GPBP1: variants seen among roughly 807,000 people sequenced by gnomAD.
GPBP1 encodes GC-rich promoter binding protein 1, also known as vasculin.
In GPBP1, 13 loss-of-function variants were observed where a neutral mutation model predicts 56.5. The ratio of observed to expected loss-of-function variants is 0.23; its 90% CI spans 0.15 to 0.37. The LOEUF is 0.37. Ranked by LOEUF, GPBP1 falls within the 10% of genes least tolerant of loss-of-function variation. The pLI is 1.00. For synonymous variants in GPBP1, 204 were observed against 188.9 expected, an observed-to-expected ratio of 1.08 and a Z score of -0.66; for missense variants, 477 against 572.3, an observed-to-expected ratio of 0.83 and a Z score of 1.70.
intron 6 of GPBP1, among the ~76,000 whole-genome samples, chr5:57,243,253 G>C (rs1387116154): frequency 6.6e-6 from 1 of 151,946 alleles, no homozygotes; most frequent in Non-Finnish European, 1.5e-5. Context: ...TTTTAGTAGA[G>C]ATGGGGTTTC....
chr5:57,247,642 GC>G (rs1340994498), intron 8 of GPBP1, among the ~76,000 whole-genome samples: 1 of 152,106 alleles, frequency 6.6e-6, no homozygotes, highest in Non-Finnish European at 1.5e-5. Context: ...CTGTGATTGT[GC>G]CACTGTACTC....
At chr5:57,198,589 C>G (rs572267648) in intron 2 of GPBP1, among the ~76,000 whole-genome samples, 11 of 152,208 alleles carry the variant, frequency 7.2e-5, no homozygotes, top group Non-Finnish European at 1.2e-4. Flanking sequence ...GCAGTCACAC[C>G]TGTAATCTCA....
At chr5:57,226,553 CTTTTTTTT>C (rs34180383) in intron 3 of GPBP1, among the ~76,000 whole-genome samples, 2 of 62,124 alleles carry the variant, frequency 3.2e-5, no homozygotes, top group South Asian at 7.6e-4. Context: ...AGCATTTTTG[CTTTTTTTT>C]TTTTTTTTTT....
In GPBP1 at chr5:57,251,441, A is replaced by G. The variant is rs902415869; in HGVS notation, c.1160+300A>G. Among the ~76,000 whole-genome samples, 8 of 152,274 alleles carry G rather than the reference A, an allele frequency of 5.3e-5. No individual in the cohort carries two copies. In the East Asian group the frequency reaches 1.5e-3, roughly 29 times the overall value. On this transcript the variant is annotated intron_variant, in intron 10 of 11. Transcript: ENST00000506184. ...TTTTTGATGTCTAGCTTCTTTCACT[A>G]AGTATAATATTTTCAAGTTTTATTT... is the stretch of plus-strand genomic sequence containing the variant.
At chr5:57,188,555 T>G (rs1754387171) in intron 2 of GPBP1, among the ~76,000 whole-genome samples, 1 of 151,530 alleles carries the variant, frequency 6.6e-6, no homozygotes. Flanking sequence ...GGCAGCATGG[T>G]GAAATCCTGT....
At chr5:57,223,663 A>G (rs971817908) in intron 3 of GPBP1, among the ~76,000 whole-genome samples, 4 of 151,994 alleles carry the variant, frequency 2.6e-5, no homozygotes, top group African/African-American at 9.7e-5. Flanking sequence ...CTGTTTGGTC[A>G]ATGAATGCAG....
At chr5:57,249,156 A>T in intron 8 of GPBP1, 1 of 332,060 alleles carries the variant, frequency 3.0e-6, no homozygotes, top group South Asian at 6.6e-5. Context: ...CATTTATAAA[A>T]TAATAGACAC....
At chr5:57,221,440 A>G in intron 3 of GPBP1, 1 of 1,222,294 alleles carries the variant, frequency 8.2e-7, no homozygotes, top group Non-Finnish European at 1.2e-6. Flanking sequence ...TGAAAAATTT[A>G]GATAACTAGC....
chr5:57,231,471 C>T (rs1756457229), intron 5 of GPBP1, 150 bp downstream of exon 5: 1 of 666,730 alleles, frequency 1.5e-6, no homozygotes, highest in East Asian at 2.8e-5. Flanking sequence ...CAGGGTTTCA[C>T]CAGGTTGGCC....
chr5:57,194,961 A>G lies in GPBP1; in HGVS notation c.-58+18561A>G, dbSNP rs937658654. On this transcript the variant is annotated intron_variant, in intron 2 of 11. Coordinates refer to ENST00000506184, the MANE Select transcript of GPBP1 (RefSeq NM_022913.4). ...TGTTGTGAATATTACTGCAGTAAAC[A>G]TAGGAATACAGATATCTTTTCCATA... Among the ~76,000 whole-genome samples the G allele has an allele frequency of 3.3e-5, 5 of 152,322 alleles. No homozygotes were observed. The South Asian group carries it at 1.0e-3, about 32-fold the overall frequency.
chr5:57,230,226 C>G (rs554709628), intron 3 of GPBP1, among the ~76,000 whole-genome samples: 1 of 152,230 alleles, frequency 6.6e-6, no homozygotes, highest in South Asian at 2.1e-4. Flanking sequence ...GCCACCGCGC[C>G]CGGCCTAAAA....
At chr5:57,192,753 CAAAA>C (rs70999061) in intron 2 of GPBP1, among the ~76,000 whole-genome samples, 7 of 103,210 alleles carry the variant, frequency 6.8e-5, no homozygotes, top group Admixed American at 4.5e-4. Flanking sequence ...AACTCCGTCT[CAAAA>C]AAAAAAAAAA....
intron 7 of GPBP1, 138 bp from the exon 8 acceptor site, chr5:57,246,937 G>C (rs1201164953): frequency 1.7e-6 from 1 of 591,858 alleles, no homozygotes; most frequent in East Asian, 3.0e-5. Context: ...AACTATGTAG[G>C]AATAATGCAG....
intron 2 of GPBP1, among the ~76,000 whole-genome samples, chr5:57,190,842 G>T (rs967503714): frequency 1.3e-5 from 2 of 151,550 alleles, no homozygotes; most frequent in African/African-American, 4.8e-5. Flanking sequence ...GAGTAGCTGG[G>T]ACTACAGGTA....
chr5:57,183,912 A>C (rs1357896692), intron 2 of GPBP1, among the ~76,000 whole-genome samples: 1 of 151,828 alleles, frequency 6.6e-6, no homozygotes, highest in Non-Finnish European at 1.5e-5. Flanking sequence ...AGTAGCTGGG[A>C]CCACAGGTGA....
intron 2 of GPBP1, among the ~76,000 whole-genome samples, chr5:57,189,818 C>CT (rs1754441700): frequency 1.3e-5 from 2 of 152,152 alleles, no homozygotes; most frequent in Non-Finnish European, 2.9e-5. Flanking sequence ...GCCCATTGGC[C>CT]TTCTTTCTCT....
Position 57,249,477 on chromosome 5 carries a change from A to T in GPBP1, c.873A>T (p.Thr291=). Reference sequence around the variant, plus strand: ...AGCAGCCTCGTCTAACCAAACTGACACGAATGCGCACTGATAAGAAGAGTG... The same window carrying T: ...AGCAGCCTCGTCTAACCAAACTGACTCGAATGCGCACTGATAAGAAGAGTG... ...LNQQPRLTKL[T]RMRTDKKSEF... is the part of the protein sequence containing the mutation. Residue 291 remains threonine, a synonymous_variant, in exon 9 of 12, where the codon ACA becomes ACT. Transcript: ENST00000506184. 1 of 1,612,488 alleles carries T rather than the reference A, an allele frequency of 6.2e-7. No individual in the cohort carries two copies. Among genetic ancestry groups the T allele is most frequent in the Non-Finnish European group, 8.5e-7 (1 of 1,179,294 alleles).
At chr5:57,207,370 AT>A (rs1181873124) in intron 2 of GPBP1, among the ~76,000 whole-genome samples, 1 of 152,084 alleles carries the variant, frequency 6.6e-6, no homozygotes. Context: ...AGGTTCTCTT[AT>A]CCCCTTTGCA....
intron 6 of GPBP1, chr5:57,237,368 C>A: frequency 1.9e-6 from 1 of 533,088 alleles, no homozygotes; most frequent in Non-Finnish European, 3.4e-6. Flanking sequence ...TGGTACTGAT[C>A]CTGGGTTGAT....
Sources: allele counts gnomAD v4.1 joint callset (sites outside exome capture counted in the v4.1 genomes callset), GRCh38; gene constraint gnomAD v4.1.1; transcripts MANE v1.5; gene names NCBI Gene and HGNC (gene_info 2026-07-23, HGNC 2026-07-21).